The following PTPRT variants were observed in gnomAD, a reference collection of about 807,000 sequenced individuals.
PTPRT encodes protein tyrosine phosphatase receptor type T.
A neutral mutation model predicts 176.8 loss-of-function variants in PTPRT; 56 were observed. The ratio of observed to expected loss-of-function variants is 0.32; its 90% confidence interval spans 0.26 to 0.40. The LOEUF (loss-of-function observed/expected upper bound fraction) is 0.40, where lower values mean the gene tolerates loss of function less well. Ranked by LOEUF, PTPRT falls within the 10% of genes least tolerant of loss-of-function variation. PTPRT has a pLI of 1.00. For synonymous variants in PTPRT, 783 were observed against 739.0 expected (o/e 1.06, Z -0.96); for missense variants, 1,540 against 1,908.2 (o/e 0.81, Z 3.60).
the PTPRT span, among the ~76,000 whole-genome samples, chr20:42,043,857 A>G: frequency 6.6e-6 from 1 of 152,216 alleles, no homozygotes; most frequent in Non-Finnish European, 1.5e-5. Context: ...TGGAGAAACA[A>G]TATCTGACTG....
chr20:43,086,971 C>G (rs1234451422), intron 1 of PTPRT, among the ~76,000 whole-genome samples: 2 of 152,188 alleles, frequency 1.3e-5, no homozygotes, highest in African/African-American at 4.8e-5. Context: ...TGAATCTTGA[C>G]AAACATATAC....
At chr20:42,237,827 T>C (rs1365092596) in intron 14 of PTPRT, among the ~76,000 whole-genome samples, 2 of 152,316 alleles carry the variant, frequency 1.3e-5, no homozygotes, top group Middle Eastern at 3.4e-3. Flanking sequence ...TTGAGAAAAA[T>C]GGCTAGATAA....
At chr20:42,036,066 T>C in the PTPRT span, among the ~76,000 whole-genome samples, 1 of 152,234 alleles carries the variant, frequency 6.6e-6, no homozygotes, top group Admixed American at 6.5e-5. Context: ...TCAGTCCGAC[T>C]GTAGCCTTCT....
intron 11 of PTPRT, among the ~76,000 whole-genome samples, chr20:42,339,778 C>A (rs73906911): frequency 0.01 from 1,534 of 152,280 alleles, 32 homozygotes; most frequent in African/African-American, 0.035. Context: ...GGGATTATAC[C>A]ACTTCCCACA....
chr20:42,251,390 C>G (rs2056548582), intron 13 of PTPRT, among the ~76,000 whole-genome samples: 1 of 152,050 alleles, frequency 6.6e-6, no homozygotes, highest in African/African-American at 2.4e-5. Flanking sequence ...TTTGGTGATA[C>G]AGTGGTGAGC....
chr20:42,239,581 C>T (rs986852234), intron 14 of PTPRT, among the ~76,000 whole-genome samples: 5 of 151,828 alleles, frequency 3.3e-5, no homozygotes, highest in Admixed American at 6.6e-5. Flanking sequence ...CACCACCACG[C>T]CTGGCTAATT....
intron 15 of PTPRT, among the ~76,000 whole-genome samples, chr20:42,217,476 G>C (rs1486698239): frequency 2.7e-5 from 4 of 150,572 alleles, no homozygotes; most frequent in African/African-American, 9.8e-5. Flanking sequence ...ATGGGCATAA[G>C]ACCATCTATC....
At chr20:42,865,120 C>A (rs1269776693) in intron 2 of PTPRT, among the ~76,000 whole-genome samples, 1 of 152,186 alleles carries the variant, frequency 6.6e-6, no homozygotes, top group Non-Finnish European at 1.5e-5. Flanking sequence ...TTCATGTGGT[C>A]CCTGGTTGCA....
chr20:42,414,993 G>A (rs1600985252), intron 9 of PTPRT, among the ~76,000 whole-genome samples: 1 of 152,162 alleles, frequency 6.6e-6, no homozygotes, highest in East Asian at 1.9e-4. Context: ...TACAGAAGGT[G>A]AAACTGTATG....
chr20:42,968,647 A>G (rs1310390999), intron 1 of PTPRT: 1 of 152,224 alleles, frequency 6.6e-6, no homozygotes, highest in Non-Finnish European at 1.5e-5. Flanking sequence ...CTGATCAATC[A>G]CTTTCATATG....
At chr20:42,702,850 C>A (rs1368373139) in intron 6 of PTPRT, among the ~76,000 whole-genome samples, 1 of 152,208 alleles carries the variant, frequency 6.6e-6, no homozygotes, top group African/African-American at 2.4e-5. Flanking sequence ...CTTCCCTGAG[C>A]ATCCCTGAGG....
intron 1 of PTPRT, among the ~76,000 whole-genome samples, chr20:43,172,205 G>A (rs1462677775): frequency 6.6e-6 from 1 of 152,152 alleles, no homozygotes; most frequent in Non-Finnish European, 1.5e-5. Flanking sequence ...TTTCTGTTAA[G>A]ATCCGGAGAG....
At chr20:42,210,392 G>A (rs1260820285) in intron 15 of PTPRT, among the ~76,000 whole-genome samples, 4 of 151,916 alleles carry the variant, frequency 2.6e-5, no homozygotes, top group African/African-American at 7.3e-5. Context: ...TGTATATCTA[G>A]AAAACCCCAT....
intron 15 of PTPRT, among the ~76,000 whole-genome samples, chr20:42,210,436 C>T (rs1270786456): frequency 1.3e-5 from 2 of 151,840 alleles, no homozygotes; most frequent in Non-Finnish European, 2.9e-5. Context: ...AGCTGATAAG[C>T]AACTTCAGCA....
intron 6 of PTPRT, among the ~76,000 whole-genome samples, chr20:42,741,384 G>T (rs533351207): frequency 6.6e-6 from 1 of 151,980 alleles, no homozygotes; most frequent in African/African-American, 2.4e-5. Flanking sequence ...TGCTCTTGTC[G>T]CCCAGACTGG....
chr20:42,326,242 G>A (rs534618208), intron 11 of PTPRT, among the ~76,000 whole-genome samples: 1 of 152,304 alleles, frequency 6.6e-6, no homozygotes, highest in South Asian at 2.1e-4. Flanking sequence ...AAAGCAAGGT[G>A]GAGGTTTTAG....
chr20:43,187,041 T>C (rs1448359471), intron 1 of PTPRT, among the ~76,000 whole-genome samples: 1 of 152,224 alleles, frequency 6.6e-6, no homozygotes, highest in Non-Finnish European at 1.5e-5. Context: ...TGTTTGATTT[T>C]TACTATCATT....
At chr20:42,936,741 C>A (rs1053274464) in intron 1 of PTPRT, among the ~76,000 whole-genome samples, 4 of 152,034 alleles carry the variant, frequency 2.6e-5, no homozygotes, top group Non-Finnish European at 2.9e-5. Context: ...GGAAGCACAG[C>A]CTAAGGATTT....
chr20:42,353,682 T>A (rs955208615), intron 9 of PTPRT, among the ~76,000 whole-genome samples: 13 of 152,218 alleles, frequency 8.5e-5, no homozygotes, highest in African/African-American at 3.1e-4. Context: ...GAGTGTCACA[T>A]CTTGAAATTA....
Sources: allele counts gnomAD v4.1 joint callset (sites outside exome capture counted in the v4.1 genomes callset), GRCh38; gene constraint gnomAD v4.1.1; transcripts MANE v1.5; gene names NCBI Gene and HGNC (gene_info 2026-07-23, HGNC 2026-07-21).